LAMA2: variants seen among roughly 807,000 people sequenced by gnomAD.
LAMA2 encodes the protein laminin subunit alpha-2.
In LAMA2, 269 loss-of-function variants were observed where a neutral mutation model predicts 364.8. That is an observed-to-expected ratio of 0.74 (90% CI 0.67 to 0.82). The LOEUF is 0.82. Among genes scored for constraint, LAMA2 ranks in the 40% least tolerant of loss-of-function variants. The probability of loss-of-function intolerance (pLI) is 0.00; values close to 1 mark genes in which losing one functional copy is unlikely to be tolerated. For missense variants in LAMA2, 3,807 were observed against 3,873.2 expected, an observed-to-expected ratio of 0.98 and a Z score of 0.45; for synonymous variants, 1,379 against 1,370.6, an observed-to-expected ratio of 1.01 and a Z score of -0.14.
At chr6:128,929,932 C>G (rs1779352091) in intron 1 of LAMA2, 1 of 779,976 alleles carries the variant, frequency 1.3e-6, no homozygotes, top group African/African-American at 1.7e-5. Context: ...GGAGCGCGGC[C>G]CACAGCCCCA....
chr6:129,497,806 A>G (rs1021871970), intron 58 of LAMA2, among the ~76,000 whole-genome samples: 3 of 152,244 alleles, frequency 2.0e-5, no homozygotes, highest in Non-Finnish European at 2.9e-5. Context: ...TGTCAATCTT[A>G]TGATTAATTC....
At chr6:129,281,365 G>C (rs76039999) in intron 18 of LAMA2, among the ~76,000 whole-genome samples, 2,182 of 152,210 alleles carry the variant, frequency 0.014, 61 homozygotes, top group African/African-American at 0.051. Flanking sequence ...GAAAATGACA[G>C]CTGCTCTGTC....
At chr6:129,083,470 T>C (rs1322020117) in intron 3 of LAMA2, among the ~76,000 whole-genome samples, 1 of 152,242 alleles carries the variant, frequency 6.6e-6, no homozygotes, top group Non-Finnish European at 1.5e-5. Flanking sequence ...TTAAATAAAT[T>C]TGAAAGTACA....
At chr6:129,315,737 C>T (rs754118268) in intron 25 of LAMA2, 25 bp from the exon 26 acceptor site, 2 of 1,612,792 alleles carry the variant, frequency 1.2e-6, no homozygotes, top group South Asian at 1.1e-5. Context: ...TATCCAATTC[C>T]TCATTCTTCT....
intron 51 of LAMA2, among the ~76,000 whole-genome samples, chr6:129,466,686 T>G (rs1783560326): frequency 6.6e-6 from 1 of 151,910 alleles, no homozygotes; most frequent in African/African-American, 2.4e-5. Context: ...AATCCTTCCA[T>G]TCCTGTAATA....
intron 12 of LAMA2, among the ~76,000 whole-genome samples, chr6:129,238,855 A>G (rs1490029593): frequency 6.6e-6 from 1 of 152,088 alleles, no homozygotes; most frequent in Non-Finnish European, 1.5e-5. Context: ...TTGATTACAT[A>G]TGGTTCAGCA....
chr6:129,466,551 A>G (rs906615241), intron 51 of LAMA2, among the ~76,000 whole-genome samples: 7 of 151,990 alleles, frequency 4.6e-5, no homozygotes, highest in African/African-American at 1.7e-4. Flanking sequence ...TGCTGCATAC[A>G]TTGTTCCTGT....
intron 4 of LAMA2, among the ~76,000 whole-genome samples, chr6:129,117,009 T>G (rs187657012): frequency 2.0e-5 from 3 of 152,112 alleles, no homozygotes; most frequent in Admixed American, 6.5e-5. Flanking sequence ...CAAAATAAAA[T>G]AAAAGAAAAA....
At chr6:129,177,257 C>G (rs187392873) in intron 9 of LAMA2, among the ~76,000 whole-genome samples, 1 of 152,172 alleles carries the variant, frequency 6.6e-6, no homozygotes, top group Admixed American at 6.5e-5. Flanking sequence ...CATTGTTAAA[C>G]TGTTATTTTA....
chr6:129,291,550 T>C (rs1789703001), intron 19 of LAMA2, 64 bp from the exon 20 acceptor site: 1 of 1,127,894 alleles, frequency 8.9e-7, no homozygotes, highest in Non-Finnish European at 1.3e-6. Flanking sequence ...TATATTATTA[T>C]TTAACAAGCC....
chr6:129,226,951 C>T (rs186426137), intron 12 of LAMA2, among the ~76,000 whole-genome samples: 30 of 152,272 alleles, frequency 2.0e-4, no homozygotes, highest in Non-Finnish European at 3.7e-4. Context: ...CCATTCTCCC[C>T]GCCACTTTCA....
chr6:129,333,189 G>A (rs1775761322), intron 29 of LAMA2, among the ~76,000 whole-genome samples: 2 of 151,944 alleles, frequency 1.3e-5, no homozygotes, highest in Admixed American at 6.6e-5. Flanking sequence ...ACCAAACCTG[G>A]CCTATAATAC....
intron 12 of LAMA2, among the ~76,000 whole-genome samples, chr6:129,242,971 T>C (rs189258419): frequency 4.3e-4 from 65 of 152,268 alleles, no homozygotes; most frequent in African/African-American, 1.5e-3. Context: ...GCAAATCTAT[T>C]CATAGGAGAT....
At chr6:128,914,410 G>A (rs1323004292) in intron 1 of LAMA2, among the ~76,000 whole-genome samples, 2 of 152,158 alleles carry the variant, frequency 1.3e-5, no homozygotes, top group Non-Finnish European at 2.9e-5. Flanking sequence ...TGTAAAGTGA[G>A]CAACTAAGAA....
intron 14 of LAMA2, among the ~76,000 whole-genome samples, chr6:129,255,813 T>G (rs1344302719): frequency 6.6e-6 from 1 of 152,178 alleles, no homozygotes; most frequent in Non-Finnish European, 1.5e-5. Flanking sequence ...CCTTCTGAAG[T>G]TAATGATTTG....
intron 29 of LAMA2, among the ~76,000 whole-genome samples, chr6:129,333,810 A>T (rs1369824939): frequency 6.6e-6 from 1 of 152,222 alleles, no homozygotes; most frequent in Non-Finnish European, 1.5e-5. Context: ...AGAAGCATTT[A>T]TAAATAATGC....
intron 34 of LAMA2, among the ~76,000 whole-genome samples, chr6:129,381,797 G>GAA (rs36020550): frequency 2.0e-5 from 3 of 151,938 alleles, no homozygotes; most frequent in Non-Finnish European, 2.9e-5. Context: ...AAATTATACA[G>GAA]AAAAAAATTT....
At chr6:129,318,960 T>A (rs1301826112) in intron 27 of LAMA2, among the ~76,000 whole-genome samples, 3 of 152,216 alleles carry the variant, frequency 2.0e-5, no homozygotes, top group Non-Finnish European at 4.4e-5. Context: ...AGTCCCAGTT[T>A]ATGGACTACA....
At chr6:129,102,911 C>T (rs569447234) in intron 4 of LAMA2, among the ~76,000 whole-genome samples, 115 of 152,334 alleles carry the variant, frequency 7.5e-4, no homozygotes, top group Non-Finnish European at 1.5e-3. Flanking sequence ...AGTATACGCT[C>T]ATTCCCATGC....
Sources: allele counts gnomAD v4.1 joint callset (sites outside exome capture counted in the v4.1 genomes callset), GRCh38; gene constraint gnomAD v4.1.1; transcripts MANE v1.5; gene names NCBI Gene and HGNC (gene_info 2026-07-23, HGNC 2026-07-21).